DMD: variants seen among roughly 807,000 people sequenced by gnomAD.
The protein encoded by DMD is mutant dystrophin.
Under a neutral mutation model 330.1 loss-of-function variants are expected in DMD, and 63 were observed. The ratio of observed to expected loss-of-function variants is 0.19; its 90% confidence interval spans 0.16 to 0.24. The LOEUF (loss-of-function observed/expected upper bound fraction) is 0.24, where lower values mean the gene tolerates loss of function less well. Ranked by LOEUF, DMD falls within the 10% of genes least tolerant of loss-of-function variation. DMD has a pLI of 1.00. For synonymous variants in DMD, 1,223 were observed against 959.8 expected (o/e 1.27, Z -5.07); for missense variants, 3,344 against 2,684.1 (o/e 1.25, Z -5.43).
At chrX:33,128,160 A>G (rs2095476559) in intron 1 of DMD, 7 of 1,207,742 alleles carry the variant, frequency 5.8e-6, no homozygotes, top group Non-Finnish European at 7.8e-6. Flanking sequence ...ATGAGACCTC[A>G]GACATTTCAA....
At chrX:31,740,048 T>C (rs188975879) in intron 51 of DMD, among the ~76,000 whole-genome samples, 134 of 110,280 alleles carry the variant, frequency 1.2e-3, no homozygotes, top group Non-Finnish European at 1.6e-3. Context: ...ACCCTTAACA[T>C]CCAAAAATGA....
chrX:32,400,056 C>A (rs966648948), intron 30 of DMD, among the ~76,000 whole-genome samples: 1 of 111,356 alleles, frequency 9.0e-6, no homozygotes, highest in African/African-American at 3.3e-5. Flanking sequence ...GGGAATGCTT[C>A]CGGTTTTTGC....
At chrX:32,513,467 A>G in intron 18 of DMD, among the ~76,000 whole-genome samples, 1 of 112,098 alleles carries the variant, frequency 8.9e-6, no homozygotes, top group Non-Finnish European at 1.9e-5. Context: ...GGTTTTGGTG[A>G]TGGGAATAGA....
chrX:32,095,656 G>A (rs1051168938), intron 44 of DMD, among the ~76,000 whole-genome samples: 3 of 112,200 alleles, frequency 2.7e-5, no homozygotes, highest in African/African-American at 6.5e-5. Context: ...TTTTGTAAAT[G>A]TGAAAGAAAA....
At chrX:32,638,818 C>T (rs1243464131) in intron 11 of DMD, among the ~76,000 whole-genome samples, 2 of 111,328 alleles carry the variant, frequency 1.8e-5, no homozygotes, top group African/African-American at 6.5e-5. Flanking sequence ...ATAACCCACT[C>T]ATTTGTTCAG....
chrX:31,541,892 T>G (rs1229285836), intron 55 of DMD, among the ~76,000 whole-genome samples: 1 of 111,742 alleles, frequency 8.9e-6, no homozygotes, highest in African/African-American at 3.2e-5. Context: ...TTTCAAAGAC[T>G]TAGAATGGAA....
At chrX:31,446,556 A>G (rs759131594) in intron 59 of DMD, among the ~76,000 whole-genome samples, 4 of 112,181 alleles carry the variant, frequency 3.6e-5, no homozygotes, top group Non-Finnish European at 5.6e-5. Context: ...TGTGAAATTC[A>G]GAAAGTTTTA....
intron 60 of DMD, among the ~76,000 whole-genome samples, chrX:31,399,544 G>C (rs1056487372): frequency 9.0e-6 from 1 of 110,890 alleles, no homozygotes; most frequent in East Asian, 2.9e-4. Context: ...TTTTTGGCTT[G>C]AGGGTGGGTC....
At chrX:32,513,331 T>G (rs775029842) in intron 18 of DMD, among the ~76,000 whole-genome samples, 1 of 112,293 alleles carries the variant, frequency 8.9e-6, no homozygotes, top group African/African-American at 3.2e-5. Context: ...ACTGAGGTTT[T>G]AATATGTTCG....
chrX:32,331,734 T>C (rs1263100527), intron 41 of DMD, among the ~76,000 whole-genome samples: 2 of 111,808 alleles, frequency 1.8e-5, no homozygotes, highest in East Asian at 5.6e-4. Flanking sequence ...TAAGTGTAGC[T>C]TGACACATTT....
chrX:31,839,066 T>C (rs1026404917), intron 48 of DMD, among the ~76,000 whole-genome samples: 5 of 111,852 alleles, frequency 4.5e-5, no homozygotes, highest in Non-Finnish European at 7.5e-5. Context: ...AGAATCACTA[T>C]GGGTCAGAGG....
intron 18 of DMD, chrX:32,516,776 G>A (rs890696795): frequency 2.7e-5 from 3 of 111,207 alleles, no homozygotes; most frequent in African/African-American, 9.8e-5. Flanking sequence ...TACCTTCAAA[G>A]AAGTATACTT....
intron 30 of DMD, among the ~76,000 whole-genome samples, chrX:32,405,727 C>G (rs183290092): frequency 2.7e-5 from 3 of 111,187 alleles, no homozygotes; most frequent in Admixed American, 1.9e-4. Context: ...ATTGACTTGG[C>G]GATGCAGGCT....
chrX:33,290,800 A>G (rs1437970050), intron 1 of DMD, among the ~76,000 whole-genome samples: 1 of 111,496 alleles, frequency 9.0e-6, no homozygotes, highest in Non-Finnish European at 1.9e-5. Flanking sequence ...CTTTCCTCCT[A>G]GCTTAAAAAT....
intron 44 of DMD, among the ~76,000 whole-genome samples, chrX:32,048,937 G>T (rs1415379443): frequency 9.0e-6 from 1 of 111,631 alleles, no homozygotes; most frequent in Non-Finnish European, 1.9e-5. Context: ...CATTTTAGAA[G>T]AAGTACCTAT....
At chrX:31,138,669 G>A (rs1463998249) in intron 76 of DMD, among the ~76,000 whole-genome samples, 7 of 52,246 alleles carry the variant, frequency 1.3e-4, no homozygotes, top group Non-Finnish European at 2.2e-4. Context: ...GAGAGAGAGA[G>A]AGAGAGAGAG....
At chrX:31,166,465 G>T (rs193043222) in intron 74 of DMD, among the ~76,000 whole-genome samples, 2 of 111,408 alleles carry the variant, frequency 1.8e-5, no homozygotes, top group Admixed American at 9.5e-5. Flanking sequence ...CAAAGGACTT[G>T]GGGCAATCTC....
intron 9 of DMD, among the ~76,000 whole-genome samples, chrX:32,662,507 C>A (rs2061010709): frequency 8.9e-6 from 1 of 111,818 alleles, no homozygotes; most frequent in South Asian, 3.7e-4. Context: ...CCTGAAAGTA[C>A]ATGCATGACA....
intron 16 of DMD, among the ~76,000 whole-genome samples, chrX:32,552,139 G>C (rs2049631388): frequency 9.0e-6 from 1 of 111,513 alleles, no homozygotes; most frequent in South Asian, 3.7e-4. Context: ...AATTCAGTTG[G>C]AGCCACTAAA....
Sources: gnomAD v4.1 joint callset for allele counts (sites outside exome capture counted in the v4.1 genomes callset) on GRCh38, gnomAD v4.1.1 for gene constraint, MANE v1.5 for transcripts, NCBI Gene and HGNC (gene_info 2026-07-23, HGNC 2026-07-21) for gene names.